APOBEC3G: variants seen among roughly 807,000 people sequenced by gnomAD.
The protein encoded by APOBEC3G is DNA dC->dU-editing enzyme APOBEC-3G.
APOBEC3G carries 44 observed loss-of-function variants against 50.0 expected under a neutral mutation model. The observed-to-expected ratio is 0.88, with a 90% CI of 0.69 to 1.13. The LOEUF (loss-of-function observed/expected upper bound fraction) is 1.13. Ranked by LOEUF, APOBEC3G falls within the 50% of genes most tolerant of loss-of-function variation. The pLI is 0.00. For missense variants in APOBEC3G, 469 were observed against 492.0 expected (o/e 0.95, Z 0.44); for synonymous variants, 156 against 175.3 (o/e 0.89, Z 0.87).
intron 1 of APOBEC3G, chr22:39,078,720 C>CTTT: frequency 1.8e-6 from 1 of 564,110 alleles, no homozygotes; most frequent in Non-Finnish European, 3.0e-6. Context: ...CTCTCTCTCT[C>CTTT]TTTTTTTTTG....
In APOBEC3G at chr22:39,078,992, C is replaced by T. The variant is rs1415375187; in HGVS notation, c.78C>T (p.Ile26=). 3.1e-6 allele frequency: 5 copies of T among 1,614,094 alleles called. No homozygotes were observed. The highest frequency in any genetic ancestry group is 1.1e-5 in the South Asian group (1 of 91,088). ...CCTACAACTTTTATAATAGACCCAT[C>T]CTTTCTCGTCGGAATACCGTCTGGC... ...TFSYNFYNRP[I]LSRRNTVWLC... Residue 26 remains isoleucine (I), a synonymous_variant, in exon 2 of 8, where the codon ATC becomes ATT. Transcript: ENST00000407997.
intron 2 of APOBEC3G, chr22:39,080,320 C>A: frequency 2.4e-6 from 1 of 409,588 alleles, no homozygotes; most frequent in Non-Finnish European, 3.3e-6. Context: ...GGAAAACTTC[C>A]AAACTCAGGG....
chr22:39,086,624 G>A (rs772204741), intron 6 of APOBEC3G, 57 bp downstream of exon 6: 54 of 1,528,594 alleles, frequency 3.5e-5, no homozygotes, highest in Admixed American at 6.1e-5. Flanking sequence ...AGGGCCCCGG[G>A]AAGTTACTAG....
chr22:39,078,035 G>A (rs566817792), intron 1 of APOBEC3G, among the ~76,000 whole-genome samples: 38 of 152,284 alleles, frequency 2.5e-4, no homozygotes, highest in African/African-American at 9.1e-4. Flanking sequence ...TGAGGTGGGC[G>A]GATCGCCTGC....
chr22:39,086,684 T>G, intron 6 of APOBEC3G, 117 bp downstream of exon 6: 1 of 1,380,710 alleles, frequency 7.2e-7, no homozygotes, highest in Non-Finnish European at 9.8e-7. Flanking sequence ...ATCCTCTGCC[T>G]GCAGAGGCGA....
intron 1 of APOBEC3G, 83 bp downstream of exon 1, chr22:39,077,461 C>T (rs1055703889): frequency 1.3e-6 from 2 of 1,551,514 alleles, no homozygotes; most frequent in African/African-American, 1.4e-5. Context: ...CCCTGGCCTT[C>T]CCCTGCCCCA....
rs1462951292 is a variant in APOBEC3G at position 39,081,059 on chromosome 22, T to C, written c.298T>C (p.Cys100Arg). 6 of 1,613,990 alleles carry C rather than the reference T, an allele frequency of 3.7e-6. No individual in the cohort carries two copies. The highest frequency in any genetic ancestry group is 5.1e-6 in the Non-Finnish European group (6 of 1,180,028). ...WYISWSPCTKCTRDMATFLAE... is the reference protein window; with the variant it reads ...WYISWSPCTKRTRDMATFLAE... ...CATATCCTGGAGCCCCTGCACAAAGTGTACAAGGGATATGGCCACGTTCCT... is the reference window on the plus strand; with the variant it reads ...CATATCCTGGAGCCCCTGCACAAAGCGTACAAGGGATATGGCCACGTTCCT... The change falls in exon 3 of 8, where the codon TGT (cysteine) becomes CGT (arginine). Residue 100 changes from cysteine to arginine, a missense_variant. Cys to Arg is a radical substitution (Grantham distance 180). Transcript: ENST00000407997.
intron 1 of APOBEC3G, chr22:39,078,660 G>T (rs1928278140): frequency 4.8e-6 from 2 of 420,370 alleles, no homozygotes; most frequent in South Asian, 3.7e-5. Context: ...GGAAGGAACT[G>T]AGCTGAAAGG....
Position 39,086,606 on chromosome 22 carries a change from G to T in APOBEC3G, c.1024+39G>T, listed in dbSNP as rs758949719. ...CCTGGAGTAGGATGGGGTCAGCCAG[G>T]GCAGGAGAGGGCCCCGGGAAGTTAC... On this transcript the variant is annotated intron_variant, in intron 6 of 7. Coordinates refer to ENST00000407997, the MANE Select transcript of APOBEC3G (RefSeq NM_021822.4). 26 of 1,547,970 alleles carry T rather than the reference G, an allele frequency of 1.7e-5. No homozygotes were observed. In the South Asian group the frequency reaches 3.2e-4, roughly 19 times the overall value.
intron 5 of APOBEC3G, 113 bp from the exon 6 acceptor site, chr22:39,086,166 T>C: frequency 8.4e-7 from 1 of 1,192,016 alleles, no homozygotes; most frequent in Non-Finnish European, 1.2e-6. Context: ...TAGCCTGGTG[T>C]GGTGGTGCAT....
chr22:39,085,752 T>A (rs1221669308), intron 5 of APOBEC3G, among the ~76,000 whole-genome samples: 1 of 151,960 alleles, frequency 6.6e-6, no homozygotes. Flanking sequence ...CCAGGCGTGG[T>A]GGTGCATGCC....
At chr22:39,086,956 G>T (rs1465935727) in intron 6 of APOBEC3G, 55 bp from the exon 7 acceptor site, 76 of 1,548,764 alleles carry the variant, frequency 4.9e-5, no homozygotes, top group Non-Finnish European at 6.6e-5. Context: ...TGGGCCTTTG[G>T]TGCCACCACG....
chr22:39,080,850 C>A, intron 2 of APOBEC3G, 83 bp from the exon 3 acceptor site: 1 of 1,212,488 alleles, frequency 8.2e-7, no homozygotes, highest in Non-Finnish European at 1.2e-6. Context: ...GACTCCTGTC[C>A]TGGCCCCTCC....
intron 6 of APOBEC3G, 121 bp from the exon 7 acceptor site, chr22:39,086,890 G>A: frequency 8.1e-7 from 1 of 1,228,496 alleles, no homozygotes; most frequent in South Asian, 1.6e-5. Flanking sequence ...CCCTAGGGGA[G>A]GGAGAGGGAA....
At chr22:39,080,345 G>C (rs540803675) in intron 2 of APOBEC3G, 6 of 298,524 alleles carry the variant, frequency 2.0e-5, no homozygotes, top group Admixed American at 6.4e-5. Flanking sequence ...ACGTGTCTTG[G>C]TGCACCTTGT....
At chr22:39,082,038 G>A (rs577429899) in intron 4 of APOBEC3G, 1 of 164,014 alleles carries the variant, frequency 6.1e-6, no homozygotes, top group Non-Finnish European at 1.3e-5. Context: ...TTCAGGCTTC[G>A]GCTGCCATAG....
In APOBEC3G at chr22:39,086,705, C is replaced by T. The variant is rs569047453; in HGVS notation, c.1024+138C>T. 99 of 1,274,518 alleles carry T rather than the reference C, an allele frequency of 7.8e-5. 1 individual carries two copies. The Middle Eastern group carries it at 1.1e-3, about 15-fold the overall frequency. 79.0% of individuals were successfully genotyped at this position (1,274,518 alleles called of 1,614,324 possible). Reference sequence around the variant, plus strand: ...TGCCTGCAGAGGCGATGGCTGCACTCTGGACCTGACTTTGGGGTCGACGGG... The same window carrying T: ...TGCCTGCAGAGGCGATGGCTGCACTTTGGACCTGACTTTGGGGTCGACGGG... On this transcript the variant is annotated intron_variant, in intron 6 of 7. Transcript: ENST00000407997.
At chr22:39,083,667 G>C (rs1192918819) in intron 4 of APOBEC3G, 64 bp from the exon 5 acceptor site, 1 of 1,564,054 alleles carries the variant, frequency 6.4e-7, no homozygotes, top group Non-Finnish European at 8.7e-7. Context: ...GCGTGGAGAG[G>C]GAGGGGGAGG....
At position 39,083,759 on chromosome 22, in the gene APOBEC3G, T is replaced by A; in HGVS notation, c.610T>A (p.Phe204Ile). 1 of 1,613,920 alleles carries A rather than the reference T, an allele frequency of 6.2e-7. No homozygotes were observed. The highest frequency in any genetic ancestry group is 8.5e-7 in the Non-Finnish European group (1 of 1,179,870). ...CTCGATGGATCCACCCACATTCACT[T>A]TCAACTTTAACAATGAACCTTGGGT... ...RHSMDPPTFT[F>I]NFNNEPWVRG... The change falls in exon 5 of 8, where the codon TTC (phenylalanine) becomes ATC (isoleucine). Residue 204 changes from phenylalanine to isoleucine, a missense_variant. Physicochemically the swap from Phe to Ile is conservative, Grantham distance 21. Coordinates refer to ENST00000407997, the MANE Select transcript of APOBEC3G (RefSeq NM_021822.4).
Sources: gnomAD v4.1 joint callset for allele counts (sites outside exome capture counted in the v4.1 genomes callset) on GRCh38, gnomAD v4.1.1 for gene constraint, MANE v1.5 for transcripts, NCBI Gene and HGNC (gene_info 2026-07-23, HGNC 2026-07-21) for gene names.